UPRT: variants seen among roughly 807,000 people sequenced by gnomAD.
The protein encoded by UPRT is RP11-311P8.3.
A neutral mutation model predicts 22.6 loss-of-function variants in UPRT; 5 were observed. That is an observed-to-expected ratio of 0.22 (90% CI 0.12 to 0.47). UPRT has a LOEUF of 0.47. Among genes scored for constraint, UPRT ranks in the 20% least tolerant of loss-of-function variants. UPRT has a pLI of 0.99. For synonymous variants in UPRT, 77 were observed against 87.7 expected (o/e 0.88, Z 0.68); for missense variants, 181 against 239.9 (o/e 0.75, Z 1.62).
intron 4 of UPRT, among the ~76,000 whole-genome samples, chrX:75,250,672 A>G (rs1382861302): frequency 5.4e-5 from 6 of 111,502 alleles, no homozygotes; most frequent in Non-Finnish European, 1.1e-4. Flanking sequence ...AACTATTCCA[A>G]TCAATAGAAA....
intron 4 of UPRT, among the ~76,000 whole-genome samples, chrX:75,195,653 C>T (rs984197069): frequency 2.7e-5 from 3 of 112,004 alleles, no homozygotes; most frequent in East Asian, 2.8e-4. Context: ...CTTGCCTGCT[C>T]AATTCACCCC....
At chrX:75,198,706 T>A (rs2147622064) in intron 4 of UPRT, among the ~76,000 whole-genome samples, 1 of 111,422 alleles carries the variant, frequency 9.0e-6, no homozygotes, top group African/African-American at 3.3e-5. Flanking sequence ...ATATGTTCTA[T>A]CATATATGCA....
chrX:75,266,530 G>A (rs182180406), intron 4 of UPRT, among the ~76,000 whole-genome samples: 1 of 111,426 alleles, frequency 9.0e-6, no homozygotes, highest in African/African-American at 3.3e-5. Context: ...ATAGGCATTG[G>A]CAAGTACTTC....
chrX:75,237,799 G>C (rs1250202679), intron 4 of UPRT, among the ~76,000 whole-genome samples: 3 of 77,909 alleles, frequency 3.9e-5, no homozygotes, highest in East Asian at 9.8e-4. Context: ...GGACTGTTGT[G>C]GGGTGGGGGG....
intron 4 of UPRT, among the ~76,000 whole-genome samples, chrX:75,187,930 T>G (rs1390360339): frequency 8.9e-6 from 1 of 111,807 alleles, no homozygotes; most frequent in East Asian, 2.8e-4. Flanking sequence ...TCTTCTAAAT[T>G]TTTTTCAAAG....
intron 4 of UPRT, among the ~76,000 whole-genome samples, chrX:75,188,795 G>A (rs906997065): frequency 1.8e-5 from 2 of 111,975 alleles, no homozygotes; most frequent in African/African-American, 6.5e-5. Context: ...TCCAGGTGCC[G>A]TCTGTCACCC....
chrX:75,289,714 A>C, intron 1 of UPRT, among the ~76,000 whole-genome samples: 1 of 111,857 alleles, frequency 8.9e-6, no homozygotes, highest in Non-Finnish European at 1.9e-5. Flanking sequence ...TAGGGAAAGG[A>C]TTACCTATTC....
At chrX:75,300,029 C>A in intron 5 of UPRT, 133 bp downstream of exon 5, 1 of 742,547 alleles carries the variant, frequency 1.3e-6, no homozygotes, top group South Asian at 3.0e-5. Context: ...AAAACTGCCC[C>A]AGGCAGTTCA....
chrX:75,179,842 G>A (rs1324073322), intron 4 of UPRT, among the ~76,000 whole-genome samples: 3 of 112,882 alleles, frequency 2.7e-5, no homozygotes, highest in Admixed American at 9.2e-5. Flanking sequence ...ACACCTACCC[G>A]GAACTCCAGC....
At chrX:75,182,119 T>A in intron 4 of UPRT, among the ~76,000 whole-genome samples, 1 of 111,897 alleles carries the variant, frequency 8.9e-6, no homozygotes, top group Non-Finnish European at 1.9e-5. Context: ...TTTTGTTTGT[T>A]TGTTTGTTTT....
chrX:75,280,919 C>T (rs1602489881), intron 1 of UPRT, among the ~76,000 whole-genome samples: 1 of 111,235 alleles, frequency 9.0e-6, no homozygotes, highest in East Asian at 2.8e-4. Context: ...GATGTGTTTC[C>T]ATTCATTTGT....
intron 4 of UPRT, among the ~76,000 whole-genome samples, chrX:75,237,351 G>A (rs1326930430): frequency 9.0e-6 from 1 of 111,676 alleles, no homozygotes; most frequent in Non-Finnish European, 1.9e-5. Context: ...ACTGTTGGTG[G>A]GACTGTAAAC....
intron 3 of UPRT, among the ~76,000 whole-genome samples, chrX:75,166,757 A>G (rs973586887): frequency 2.7e-5 from 3 of 112,436 alleles, no homozygotes; most frequent in Admixed American, 1.9e-4. Flanking sequence ...TCTTCTCCAC[A>G]AAAGAAAACT....
At chrX:75,287,049 T>G (rs2082684720) in intron 1 of UPRT, among the ~76,000 whole-genome samples, 1 of 111,628 alleles carries the variant, frequency 9.0e-6, no homozygotes, top group Non-Finnish European at 1.9e-5. Flanking sequence ...CTGTAATTTA[T>G]GGACCTTTTT....
intron 2 of UPRT, among the ~76,000 whole-genome samples, chrX:75,294,833 A>G (rs1183651248): frequency 8.9e-6 from 1 of 111,886 alleles, no homozygotes. Flanking sequence ...ACTGGTAGAA[A>G]ACGGTTCCTC....
At chrX:75,249,010 G>A (rs915633228) in intron 4 of UPRT, among the ~76,000 whole-genome samples, 8 of 111,380 alleles carry the variant, frequency 7.2e-5, no homozygotes, top group African/African-American at 2.3e-4. Flanking sequence ...AGCAAATGCC[G>A]AGAGATTTTG....
At chrX:75,296,858 A>G (rs764895661) in intron 3 of UPRT, among the ~76,000 whole-genome samples, 14 of 112,152 alleles carry the variant, frequency 1.2e-4, no homozygotes, top group Non-Finnish European at 2.4e-4. Context: ...ATCCTTTAAT[A>G]GAAAGTAGCC....
At chrX:75,282,182 A>G (rs1382438232) in intron 1 of UPRT, among the ~76,000 whole-genome samples, 1 of 109,871 alleles carries the variant, frequency 9.1e-6, no homozygotes. Flanking sequence ...CTAATAGTCT[A>G]TTAATTTAAT....
chrX:75,174,886 A>G (rs1186371517), intron 4 of UPRT, among the ~76,000 whole-genome samples: 1 of 111,021 alleles, frequency 9.0e-6, no homozygotes, highest in Non-Finnish European at 1.9e-5. Flanking sequence ...TACTACTTTC[A>G]TCTCTTTCTC....
Sources: gnomAD v4.1 joint callset for allele counts (sites outside exome capture counted in the v4.1 genomes callset) on GRCh38, gnomAD v4.1.1 for gene constraint, MANE v1.5 for transcripts, NCBI Gene and HGNC (gene_info 2026-07-23, HGNC 2026-07-21) for gene names.